The following ZFHX3 variants were observed in gnomAD, a reference collection of about 807,000 sequenced individuals.
ZFHX3 encodes the protein zinc finger homeobox 3, also known as zinc finger homeobox protein 3.
ZFHX3 carries 42 observed loss-of-function variants against 279.1 expected under a neutral mutation model. The ratio of observed to expected loss-of-function variants is 0.15; its 90% confidence interval spans 0.12 to 0.19. The LOEUF (loss-of-function observed/expected upper bound fraction) is 0.19, where lower values mean the gene tolerates loss of function less well. Among genes scored for constraint, ZFHX3 ranks in the 10% least tolerant of loss-of-function variants. The pLI is 1.00. For synonymous variants in ZFHX3, 2,293 were observed against 1,957.8 expected, an observed-to-expected ratio of 1.17 and a Z score of -4.52; for missense variants, 4,981 against 4,754.0, an observed-to-expected ratio of 1.05 and a Z score of -1.40.
Position 72,879,652 on chromosome 16 carries a change from C to G in ZFHX3, c.3448+10079G>C, listed in dbSNP as rs574938496. ...TGTTGGCCAGGCTGGTCTCCAATAC[C>G]TGAGCTCTAGTGATCCGCCCGCCTC... On this transcript the variant is annotated intron_variant, in intron 4 of 9. Coordinates refer to ENST00000268489, the MANE Select transcript of ZFHX3 (RefSeq NM_006885.4). 1.2e-3 allele frequency among the ~76,000 whole-genome samples: 179 copies of G among 152,246 alleles called. 1 individual carries two copies. The highest frequency in any genetic ancestry group is 4.0e-3 in the African/African-American group (168 of 41,558).
At chr16:73,544,937 G>A (rs917653167) in intron 2 of ZFHX3, among the ~76,000 whole-genome samples, 3 of 152,120 alleles carry the variant, frequency 2.0e-5, no homozygotes, top group African/African-American at 7.2e-5. Flanking sequence ...AATGGGGGAG[G>A]ACGATGACGG....
At chr16:73,805,639 C>T (rs1332087594) in intron 1 of ZFHX3, among the ~76,000 whole-genome samples, 1 of 152,208 alleles carries the variant, frequency 6.6e-6, no homozygotes, top group African/African-American at 2.4e-5. Flanking sequence ...ATGAAACAAA[C>T]ATGTTAAGCA....
chr16:73,567,734 C>A (rs1216194410), intron 2 of ZFHX3, among the ~76,000 whole-genome samples: 1 of 152,136 alleles, frequency 6.6e-6, no homozygotes, highest in Non-Finnish European at 1.5e-5. Context: ...AGCTTAAGAG[C>A]CCTTTTAATT....
chr16:73,531,452 C>T (rs569983368), intron 2 of ZFHX3, among the ~76,000 whole-genome samples: 6 of 152,178 alleles, frequency 3.9e-5, no homozygotes, highest in African/African-American at 1.4e-4. Flanking sequence ...TAATGGCTCA[C>T]TCCTGTAATT....
At chr16:73,517,562 A>G (rs1388351898) in intron 2 of ZFHX3, among the ~76,000 whole-genome samples, 3 of 152,226 alleles carry the variant, frequency 2.0e-5, no homozygotes, top group Non-Finnish European at 2.9e-5. Context: ...TTTATTTGGG[A>G]GGAGCAGGGA....
At chr16:73,643,839 T>G (rs2052594804) in intron 2 of ZFHX3, among the ~76,000 whole-genome samples, 1 of 152,208 alleles carries the variant, frequency 6.6e-6, no homozygotes, top group Non-Finnish European at 1.5e-5. Context: ...CCTTTTTCAG[T>G]TCTATCTCCC....
chr16:73,082,931 C>G (rs1380772633), intron 8 of ZFHX3, among the ~76,000 whole-genome samples: 1 of 150,888 alleles, frequency 6.6e-6, no homozygotes, highest in Non-Finnish European at 1.5e-5. Flanking sequence ...TGCCTGTAAT[C>G]TTAGCACTTT....
chr16:73,851,496 T>C (rs1036729555), intron 1 of ZFHX3, among the ~76,000 whole-genome samples: 1 of 152,230 alleles, frequency 6.6e-6, no homozygotes, highest in Admixed American at 6.5e-5. Context: ...CTGAAGTCTC[T>C]GTTTTCTCAT....
intron 2 of ZFHX3, among the ~76,000 whole-genome samples, chr16:73,618,281 C>A (rs571753374): frequency 1.8e-4 from 28 of 152,190 alleles, no homozygotes; most frequent in Non-Finnish European, 2.6e-4. Flanking sequence ...GATTCTCCAC[C>A]AACTTAAACT....
At chr16:72,987,176 A>C (rs906488038) in intron 1 of ZFHX3, among the ~76,000 whole-genome samples, 3 of 152,022 alleles carry the variant, frequency 2.0e-5, no homozygotes, top group Admixed American at 1.3e-4. Flanking sequence ...AAAACAAAGA[A>C]CTCAAGTTTT....
At position 73,307,497 on chromosome 16, in the gene ZFHX3, A is replaced by C. The variant is rs1362897544; in HGVS notation, c.-1194+10743T>G. On this transcript the variant is annotated intron_variant, in intron 4 of 17. Coordinates refer to the ZFHX3 transcript ENST00000641206. ...GGAAAAACTGCTTCTTTCTGCAAAA[A>C]CATATTCTAGGATAGTCCTTCAAAA... Among the ~76,000 whole-genome samples the C allele has an allele frequency of 2.0e-5, 3 of 152,194 alleles. No homozygotes were observed. The East Asian group carries it at 5.8e-4, about 29-fold the overall frequency.
At chr16:72,815,034 A>T (rs1172886211) in intron 5 of ZFHX3, among the ~76,000 whole-genome samples, 2 of 152,084 alleles carry the variant, frequency 1.3e-5, no homozygotes, top group Admixed American at 1.3e-4. Context: ...CCCTTGCTTG[A>T]CCTCAGACAT....
At chr16:73,721,761 T>C (rs986869654) in intron 1 of ZFHX3, among the ~76,000 whole-genome samples, 1 of 152,128 alleles carries the variant, frequency 6.6e-6, no homozygotes, top group African/African-American at 2.4e-5. Context: ...ATACCACTAG[T>C]GGGCCAGGCA....
At chr16:73,064,203 T>G (rs1965719091), upstream of ZFHX3, among the ~76,000 whole-genome samples, 1 of 151,392 alleles carries the variant, frequency 6.6e-6, no homozygotes. Context: ...GGGGGTGCGG[T>G]GAGAAGATAA....
chr16:73,250,596 C>A (rs148870074), intron 5 of ZFHX3, among the ~76,000 whole-genome samples: 1 of 152,090 alleles, frequency 6.6e-6, no homozygotes, highest in Admixed American at 6.6e-5. Flanking sequence ...TGCAGGGGTG[C>A]GATCTTGGCT....
intron 5 of ZFHX3, among the ~76,000 whole-genome samples, chr16:73,201,745 T>G (rs1848937249): frequency 6.6e-6 from 1 of 152,244 alleles, no homozygotes. Context: ...TATTTTTGTT[T>G]CGTTTTGGTT....
intron 4 of ZFHX3, among the ~76,000 whole-genome samples, chr16:72,854,236 A>G (rs1378241746): frequency 1.3e-5 from 2 of 152,150 alleles, no homozygotes; most frequent in Non-Finnish European, 1.5e-5. Flanking sequence ...TTTGCCTTCT[A>G]GCTTTTGGAC....
intron 5 of ZFHX3, among the ~76,000 whole-genome samples, chr16:73,196,581 GAA>G (rs34660692): frequency 1.4e-5 from 2 of 140,830 alleles, no homozygotes; most frequent in Admixed American, 1.4e-4. Context: ...ATCCTGGCCA[GAA>G]AAAAAAAAAA....
chr16:73,418,450 T>A (rs1011832977), intron 3 of ZFHX3, among the ~76,000 whole-genome samples: 34 of 152,214 alleles, frequency 2.2e-4, no homozygotes, highest in Non-Finnish European at 4.7e-4. Context: ...GAAGAGGACA[T>A]CTTTGTTCAG....
Sources: gnomAD v4.1 joint callset for allele counts (sites outside exome capture counted in the v4.1 genomes callset) on GRCh38, gnomAD v4.1.1 for gene constraint, MANE v1.5 for transcripts, NCBI Gene and HGNC (gene_info 2026-07-23, HGNC 2026-07-21) for gene names.